The following DBX2 variants were observed in gnomAD, a reference collection of about 807,000 sequenced individuals.
DBX2 encodes homeobox protein DBX2.
In DBX2, 16 loss-of-function variants were observed where a neutral mutation model predicts 17.7. The ratio of observed to expected loss-of-function variants is 0.90; its 90% CI spans 0.61 to 1.37. DBX2 has a LOEUF of 1.37. Among genes scored for constraint, DBX2 ranks in the 40% most tolerant of loss-of-function variants. The pLI, the probability that DBX2 is intolerant of heterozygous loss-of-function variation, is 0.00. For missense variants in DBX2, 538 were observed against 433.8 expected (o/e 1.24, Z -2.13); for synonymous variants, 255 against 183.8 (o/e 1.39, Z -3.13).
chr12:45,043,658 T>A (rs1332317697), intron 1 of DBX2, among the ~76,000 whole-genome samples: 1 of 152,190 alleles, frequency 6.6e-6, no homozygotes, highest in Non-Finnish European at 1.5e-5. Flanking sequence ...ACATCTAACA[T>A]CACTCAAGAT....
At chr12:45,026,414 T>C (rs1034713875) in intron 2 of DBX2, among the ~76,000 whole-genome samples, 2 of 152,224 alleles carry the variant, frequency 1.3e-5, no homozygotes, top group African/African-American at 4.8e-5. Flanking sequence ...AATTCTCACA[T>C]TGAATCTATG....
intron 3 of DBX2, among the ~76,000 whole-genome samples, chr12:45,022,403 A>G (rs1354759093): frequency 7.4e-6 from 1 of 135,024 alleles, no homozygotes; most frequent in African/African-American, 2.8e-5. Flanking sequence ...TCCTGGGTTC[A>G]CGCCATTCTC....
At chr12:45,019,238 T>C (rs1946338625) in intron 3 of DBX2, among the ~76,000 whole-genome samples, 1 of 152,028 alleles carries the variant, frequency 6.6e-6, no homozygotes, top group African/African-American at 2.4e-5. Flanking sequence ...AACCATAATA[T>C]TCCAAAATTC....
intron 1 of DBX2, among the ~76,000 whole-genome samples, chr12:45,048,283 G>A (rs756162533): frequency 6.6e-6 from 1 of 152,122 alleles, no homozygotes; most frequent in Non-Finnish European, 1.5e-5. Flanking sequence ...TGGGAAAAAA[G>A]GGGGTAGTCA....
chr12:45,032,300 A>G (rs1946414877), intron 2 of DBX2, among the ~76,000 whole-genome samples: 1 of 152,196 alleles, frequency 6.6e-6, no homozygotes, highest in Non-Finnish European at 1.5e-5. Flanking sequence ...TCCTTTTTAT[A>G]TTAGAAAAAA....
chr12:45,035,406 AGT>A (rs1039387308), intron 2 of DBX2, among the ~76,000 whole-genome samples: 1 of 152,108 alleles, frequency 6.6e-6, no homozygotes. Flanking sequence ...TGAGTGTGAG[AGT>A]GTGTGTGTGC....
intron 3 of DBX2, among the ~76,000 whole-genome samples, chr12:45,022,435 C>G (rs1035134580): frequency 2.0e-5 from 3 of 149,074 alleles, no homozygotes; most frequent in African/African-American, 7.4e-5. Context: ...TCCCGAGTAG[C>G]TGGGACTACA....
chr12:45,034,999 G>A (rs1946431932), intron 2 of DBX2, among the ~76,000 whole-genome samples: 1 of 152,254 alleles, frequency 6.6e-6, no homozygotes, highest in Admixed American at 6.5e-5. Context: ...CCCCAGCCAT[G>A]TAAAGTGCTC....
intron 2 of DBX2, among the ~76,000 whole-genome samples, chr12:45,026,092 A>G (rs982601320): frequency 2.0e-5 from 3 of 152,164 alleles, no homozygotes; most frequent in Non-Finnish European, 4.4e-5. Context: ...AGTTTCACAT[A>G]AAGTCCAGAT....
Position 45,015,711 on chromosome 12 carries a change from A to T in DBX2, c.*575T>A, listed in dbSNP as rs1946319572. 1 of 152,204 alleles carries T rather than the reference A, an allele frequency of 6.6e-6. No individual in the cohort carries two copies. Among genetic ancestry groups the T allele is most frequent in the African/African-American group, 2.4e-5 (1 of 41,450 alleles). 9.4% of individuals were successfully genotyped at this position (152,204 alleles called of 1,614,324 possible). A position where few individuals can be genotyped will look rare whatever the true frequency, so the allele number is the denominator to read the frequency against. On this transcript the variant is annotated 3_prime_UTR_variant, in exon 4 of 4. Transcript: ENST00000332700. ...ATATATATTCTCAGTGTATGTATCT[A>T]GCAGTGGCTCATTTGTTGAGGACTG...
intron 2 of DBX2, among the ~76,000 whole-genome samples, chr12:45,026,586 T>C (rs1193042775): frequency 6.6e-6 from 1 of 152,206 alleles, no homozygotes; most frequent in African/African-American, 2.4e-5. Flanking sequence ...AATACTGGCA[T>C]AAACTGATTT....
At chr12:45,022,301 T>TG (rs1946356881) in intron 3 of DBX2, among the ~76,000 whole-genome samples, 1 of 132,806 alleles carries the variant, frequency 7.5e-6, no homozygotes. Context: ...AATAACTGTT[T>TG]TTTTTTTTTT....
intron 2 of DBX2, among the ~76,000 whole-genome samples, chr12:45,026,730 T>C (rs1385406962): frequency 2.6e-5 from 4 of 152,230 alleles, no homozygotes; most frequent in Admixed American, 6.5e-5. Context: ...ATTCTCACTC[T>C]GCAAAACGAA....
intron 2 of DBX2, among the ~76,000 whole-genome samples, chr12:45,025,905 T>C (rs1447431498): frequency 6.6e-6 from 1 of 151,202 alleles, no homozygotes; most frequent in Non-Finnish European, 1.5e-5. Context: ...CTAGTATGTC[T>C]GAAAGCCCAA....
intron 2 of DBX2, 46 bp downstream of exon 2, chr12:45,035,973 G>GT (rs1946437888): frequency 1.3e-6 from 2 of 1,557,864 alleles, no homozygotes; most frequent in Admixed American, 3.7e-5. Context: ...TGCAGCTTTG[G>GT]TTTACAGAAT....
At chr12:45,020,675 G>GTA (rs10649840) in intron 3 of DBX2, among the ~76,000 whole-genome samples, 19,345 of 145,790 alleles carry the variant, frequency 0.13, 1,337 homozygotes, top group Admixed American at 0.21. Flanking sequence ...GTATATATAT[G>GTA]TATATATATA....
intron 2 of DBX2, 114 bp downstream of exon 2, chr12:45,035,905 G>A (rs1184682069): frequency 1.0e-6 from 1 of 955,474 alleles, no homozygotes; most frequent in African/African-American, 1.7e-5. Context: ...GACTTTTAGT[G>A]AGGAATTAGC....
intron 1 of DBX2, among the ~76,000 whole-genome samples, chr12:45,046,040 T>C (rs564167238): frequency 4.5e-4 from 68 of 152,204 alleles, no homozygotes; most frequent in African/African-American, 1.5e-3. Flanking sequence ...TCAAGAGTTT[T>C]AGTACATATT....
chr12:45,044,823 C>T (rs1216011946), intron 1 of DBX2, among the ~76,000 whole-genome samples: 4 of 152,024 alleles, frequency 2.6e-5, no homozygotes, highest in Admixed American at 1.3e-4. Context: ...ATGAATAATC[C>T]TATTAAAAAT....
Sources: gnomAD v4.1 joint callset for allele counts (sites outside exome capture counted in the v4.1 genomes callset) on GRCh38, gnomAD v4.1.1 for gene constraint, MANE v1.5 for transcripts, NCBI Gene and HGNC (gene_info 2026-07-23, HGNC 2026-07-21) for gene names.